The following MYO1E variants were observed in gnomAD, a reference collection of about 807,000 sequenced individuals.
The protein encoded by MYO1E is unconventional myosin-Ie.
A neutral mutation model predicts 151.1 loss-of-function variants in MYO1E; 68 were observed. That is an observed-to-expected ratio of 0.45 (90% CI 0.37 to 0.55). The LOEUF is 0.55. Ranked by LOEUF, MYO1E falls within the 20% of genes least tolerant of loss-of-function variation. MYO1E has a pLI of 0.00. For missense variants in MYO1E, 1,363 were observed against 1,389.3 expected, an observed-to-expected ratio of 0.98 and a Z score of 0.30; for synonymous variants, 601 against 501.7, an observed-to-expected ratio of 1.20 and a Z score of -2.64.
chr15:59,284,228 A>ACGGCAGCACTGTGG (rs1273011631), intron 1 of MYO1E, among the ~76,000 whole-genome samples: 1 of 152,220 alleles, frequency 6.6e-6, no homozygotes, highest in Non-Finnish European at 1.5e-5. Flanking sequence ...CTGTAGGTAC[A>ACGGCAGCACTGTGG]CGGCAGCACT....
rs780101460 is a variant in MYO1E at position 59,218,098 on chromosome 15, TAAAAC to T, written c.911-16_911-12del. 2 of 1,613,950 alleles carry T rather than the reference TAAAAC, an allele frequency of 1.2e-6. No homozygotes were observed. The highest frequency in any genetic ancestry group is 4.5e-5 in the East Asian group (2 of 44,890). On this transcript the variant is annotated splice_polypyrimidine_tract_variant and intron_variant, in intron 9 of 27. Transcript: ENST00000288235. ...CAGGAAAAGCTAAAACTGTAGAACA[TAAAAC>T]AAAACATGACAATCTTTCAGAATTG...
intron 5 of MYO1E, among the ~76,000 whole-genome samples, chr15:59,235,919 A>G (rs1320078820): frequency 6.6e-6 from 1 of 152,220 alleles, no homozygotes; most frequent in Non-Finnish European, 1.5e-5. Context: ...TCTTCTTATC[A>G]TGATGGTGAA....
Position 59,338,230 on chromosome 15 carries a change from T to C in MYO1E, c.3+34268A>G, listed in dbSNP as rs991179963. Among the ~76,000 whole-genome samples the C allele has an allele frequency of 6.5e-4, 99 of 151,364 alleles. 1 individual carries two copies. The highest frequency in any genetic ancestry group is 2.3e-3 in the African/African-American group (95 of 41,182). ...CTGTCTCTACTTACAAATGAATTTC[T>C]ATTTTCATTAATATAATTTTTTATA... On this transcript the variant is annotated intron_variant, in intron 1 of 27. Coordinates refer to ENST00000288235, the MANE Select transcript of MYO1E (RefSeq NM_004998.4).
intron 1 of MYO1E, among the ~76,000 whole-genome samples, chr15:59,356,903 GT>G (rs2080856483): frequency 2.6e-5 from 1 of 38,406 alleles, no homozygotes; most frequent in Non-Finnish European, 5.7e-5. Flanking sequence ...TTGTTTGTTT[GT>G]TTTTGGTTTT....
chr15:59,346,343 T>C (rs772128652), intron 1 of MYO1E, among the ~76,000 whole-genome samples: 5 of 152,238 alleles, frequency 3.3e-5, no homozygotes, highest in Middle Eastern at 3.4e-3. Context: ...GACGGCCCCA[T>C]AGCCCAGGCC....
At chr15:59,358,583 G>C (rs2080867718) in intron 1 of MYO1E, among the ~76,000 whole-genome samples, 1 of 152,182 alleles carries the variant, frequency 6.6e-6, no homozygotes, top group Non-Finnish European at 1.5e-5. Context: ...ATCTGCTCCA[G>C]AGTCCAGATA....
chr15:59,343,812 C>G (rs561434712), intron 1 of MYO1E, among the ~76,000 whole-genome samples: 10 of 152,116 alleles, frequency 6.6e-5, no homozygotes, highest in South Asian at 2.1e-4. Flanking sequence ...ACGCATTCTT[C>G]AGTACGTCAA....
At chr15:59,176,203 C>T (rs1045235994) in intron 19 of MYO1E, among the ~76,000 whole-genome samples, 2 of 152,024 alleles carry the variant, frequency 1.3e-5, no homozygotes, top group Non-Finnish European at 2.9e-5. Context: ...GGACTACAGG[C>T]GCCCGCCACC....
chr15:59,231,463 A>C (rs2080027572), intron 6 of MYO1E, among the ~76,000 whole-genome samples: 1 of 152,204 alleles, frequency 6.6e-6, no homozygotes, highest in African/African-American at 2.4e-5. Flanking sequence ...TATTTTCCTT[A>C]GTAAGGCAAC....
rs2079899516 is a variant in MYO1E at position 59,214,265 on chromosome 15, T to C, written c.1238A>G (p.Gln413Arg). 1 of 1,613,304 alleles carries C rather than the reference T, an allele frequency of 6.2e-7. No individual in the cohort carries two copies. The highest frequency in any genetic ancestry group is 1.3e-5 in the African/African-American group (1 of 74,918). ...FCINFVNEKLQQIFIELTLKA... is the reference protein window; with the variant it reads ...FCINFVNEKLRQIFIELTLKA... ...TAATGTCAGTTCAATAAAAATCTGC[T>C]GCAGTTTTTCATTAACAAAATTGAT... The change falls in exon 12 of 28, where the codon CAG (glutamine) becomes CGG (arginine). Residue 413 changes from glutamine to arginine, a missense_variant. Physicochemically the swap from Gln to Arg is conservative, Grantham distance 43. Coordinates refer to ENST00000288235, the MANE Select transcript of MYO1E (RefSeq NM_004998.4).
At chr15:59,164,781 G>T (rs2079555145) in intron 22 of MYO1E, among the ~76,000 whole-genome samples, 1 of 152,220 alleles carries the variant, frequency 6.6e-6, no homozygotes, top group Admixed American at 6.5e-5. Flanking sequence ...TCTCCAGACT[G>T]AGACAGGGAG....
intron 13 of MYO1E, 174 bp from the exon 14 acceptor site, chr15:59,209,022 A>C: frequency 1.3e-6 from 1 of 761,702 alleles, no homozygotes; most frequent in Non-Finnish European, 2.2e-6. Context: ...GGGAGTCACC[A>C]CTTAGATCTA....
chr15:59,242,217 T>G (rs1290348951), intron 4 of MYO1E, among the ~76,000 whole-genome samples: 1 of 152,252 alleles, frequency 6.6e-6, no homozygotes, highest in South Asian at 2.1e-4. Context: ...TGACACACTT[T>G]TTGTTGGTCT....
At position 59,172,027 on chromosome 15, in the gene MYO1E, G is replaced by T. The variant is rs376462389; in HGVS notation, c.2350C>A (p.Leu784Met). 1.2e-6 allele frequency: 2 copies of T among 1,614,122 alleles called. No homozygotes were observed. The highest frequency in any genetic ancestry group is 8.5e-7 in the Non-Finnish European group (1 of 1,180,024). ...TACAAGCACTTTGGGGTAAGGAGCA[G>T]GTCTCGCTTTACACCCTGTAAGGAG... is the stretch of plus-strand genomic sequence containing the variant. ...DRRFKGVKRD[L>M]LLTPKCLYLI... Residue 784 changes from leucine (L) to methionine (M), a missense_variant, in exon 22 of 28, where the codon CTG (leucine) becomes ATG (methionine). Coordinates refer to ENST00000288235, the MANE Select transcript of MYO1E (RefSeq NM_004998.4).
chr15:59,140,139 T>C (rs2079400927), intron 26 of MYO1E, among the ~76,000 whole-genome samples: 1 of 152,122 alleles, frequency 6.6e-6, no homozygotes, highest in Non-Finnish European at 1.5e-5. Context: ...CCCTGGCCTC[T>C]ACCCACTGGA....
intron 6 of MYO1E, among the ~76,000 whole-genome samples, chr15:59,229,244 G>C (rs2080011019): frequency 6.6e-6 from 1 of 152,144 alleles, no homozygotes. Context: ...GCTCAACCTT[G>C]GATGCCCCTT....
chr15:59,277,881 T>C (rs991360014), intron 1 of MYO1E, among the ~76,000 whole-genome samples: 1 of 152,216 alleles, frequency 6.6e-6, no homozygotes, highest in Non-Finnish European at 1.5e-5. Context: ...AAACGGCATG[T>C]TTGCTATAAT....
intron 25 of MYO1E, among the ~76,000 whole-genome samples, chr15:59,155,325 A>G (rs534954127): frequency 6.6e-6 from 1 of 152,334 alleles, no homozygotes; most frequent in South Asian, 2.1e-4. Flanking sequence ...CTTATATTTT[A>G]TATGTTTTGA....
At chr15:59,328,780 T>C (rs1355178898) in intron 1 of MYO1E, among the ~76,000 whole-genome samples, 1 of 152,122 alleles carries the variant, frequency 6.6e-6, no homozygotes, top group African/African-American at 2.4e-5. Flanking sequence ...ATTTAGGGCA[T>C]GTGAAAAATC....
Sources: gnomAD v4.1 joint callset for allele counts (sites outside exome capture counted in the v4.1 genomes callset) on GRCh38, gnomAD v4.1.1 for gene constraint, MANE v1.5 for transcripts, NCBI Gene and HGNC (gene_info 2026-07-23, HGNC 2026-07-21) for gene names.